The following CIRSR variants were observed in gnomAD, a reference collection of about 807,000 sequenced individuals.
CIRSR encodes CBF1 (RBPJ) interacting corepressor 1.
chr2:174,368,955 G>T, the CIRSR span, among the ~76,000 whole-genome samples: 1 of 152,180 alleles, frequency 6.6e-6, no homozygotes, highest in Non-Finnish European at 1.5e-5. Flanking sequence ...TTTTCAGAAT[G>T]ATAAATGAAC....
chr2:174,370,057 C>G, the CIRSR span: 20 of 1,357,988 alleles, frequency 1.5e-5, no homozygotes, highest in East Asian at 4.6e-5. Context: ...ATAAGGCATG[C>G]CTGCATTAGA....
chr2:174,392,753 G>A, the CIRSR span, among the ~76,000 whole-genome samples: 1 of 152,212 alleles, frequency 6.6e-6, no homozygotes, highest in Non-Finnish European at 1.5e-5. Flanking sequence ...ATATGAGATA[G>A]CAAGTATAAA....
the CIRSR span, chr2:174,381,601 G>T: frequency 1.3e-6 from 1 of 782,470 alleles, no homozygotes; most frequent in South Asian, 1.9e-5. Context: ...AGGTTGTAGT[G>T]TGCTGAGATG....
the CIRSR span, among the ~76,000 whole-genome samples, chr2:174,367,745 TAAAAA>T: frequency 1.4e-5 from 1 of 70,850 alleles, no homozygotes; most frequent in Admixed American, 1.9e-4. Context: ...TGCTGTCTCT[TAAAAA>T]AAAAAAAAAA....
the CIRSR span, chr2:174,350,509 C>A: frequency 4.4e-6 from 2 of 455,612 alleles, no homozygotes; most frequent in Non-Finnish European, 7.6e-6. Context: ...AAAAGACAGA[C>A]AAAATTGTAT....
chr2:174,378,723 C>G, the CIRSR span: 2 of 571,840 alleles, frequency 3.5e-6, no homozygotes, highest in Admixed American at 6.2e-5. Context: ...AAACTTAATC[C>G]TATTACACAG....
the CIRSR span, among the ~76,000 whole-genome samples, chr2:174,379,711 C>T: frequency 6.9e-6 from 1 of 144,136 alleles, no homozygotes; most frequent in African/African-American, 2.5e-5. Context: ...AAGTTTGATT[C>T]CTGTCTTTTT....
At chr2:174,384,259 C>G in the CIRSR span, among the ~76,000 whole-genome samples, 5 of 152,256 alleles carry the variant, frequency 3.3e-5, no homozygotes, top group East Asian at 9.6e-4. Flanking sequence ...CTAAGTGAAA[C>G]AAGCCAGACA....
At chr2:174,380,605 A>C in the CIRSR span, 1 of 1,531,906 alleles carries the variant, frequency 6.5e-7, no homozygotes, top group Non-Finnish European at 8.9e-7. Flanking sequence ...CAGTAAATGT[A>C]AACTTAATGA....
the CIRSR span, among the ~76,000 whole-genome samples, chr2:174,357,513 T>C: frequency 1.1e-3 from 175 of 152,316 alleles, 4 homozygotes; most frequent in East Asian, 0.031. Flanking sequence ...TAAAAGTTGT[T>C]TTAAAATAAA....
At chr2:174,378,571 T>C in the CIRSR span, 2 of 283,296 alleles carry the variant, frequency 7.1e-6, no homozygotes, top group Non-Finnish European at 1.4e-5. Flanking sequence ...AGGCTTTCAG[T>C]ACAGTCTATT....
At chr2:174,360,865 T>C in the CIRSR span, among the ~76,000 whole-genome samples, 3 of 152,312 alleles carry the variant, frequency 2.0e-5, no homozygotes, top group South Asian at 6.2e-4. Context: ...ATACCTAAAA[T>C]AAAATAGCCA....
the CIRSR span, among the ~76,000 whole-genome samples, chr2:174,379,725 T>C: frequency 7.1e-6 from 1 of 141,138 alleles, no homozygotes; most frequent in African/African-American, 2.6e-5. Flanking sequence ...TCTTTTTTTT[T>C]TTTTTTTTTT....
chr2:174,366,012 A>T, the CIRSR span, among the ~76,000 whole-genome samples: 1 of 152,242 alleles, frequency 6.6e-6, no homozygotes, highest in Non-Finnish European at 1.5e-5. Flanking sequence ...ATGTAAGCAA[A>T]GAGATGGAAA....
the CIRSR span, among the ~76,000 whole-genome samples, chr2:174,388,201 C>G: frequency 2.6e-5 from 4 of 152,124 alleles, no homozygotes; most frequent in African/African-American, 9.6e-5. Context: ...TGTCTTGATA[C>G]GAGTTCTTTT....
chr2:174,385,810 T>C, the CIRSR span, among the ~76,000 whole-genome samples: 58 of 152,198 alleles, frequency 3.8e-4, 1 homozygote, highest in South Asian at 0.012. Context: ...TAATAGTAAC[T>C]AGATAAGGGA....
At chr2:174,365,930 T>A in the CIRSR span, among the ~76,000 whole-genome samples, 2 of 152,112 alleles carry the variant, frequency 1.3e-5, no homozygotes, top group Non-Finnish European at 2.9e-5. Flanking sequence ...AGACTGGGAA[T>A]CTAAAATACT....
At chr2:174,381,558 CAGG>C in the CIRSR span, 1 of 577,526 alleles carries the variant, frequency 1.7e-6, no homozygotes, top group South Asian at 2.9e-5. Flanking sequence ...GAGGCTGAGG[CAGG>C]AGAATTGCTC....
At chr2:174,354,345 T>C in the CIRSR span, among the ~76,000 whole-genome samples, 4 of 132,230 alleles carry the variant, frequency 3.0e-5, no homozygotes, top group African/African-American at 1.1e-4. Context: ...AGAAATTGTC[T>C]TTTTATAAGA....
Sources: gnomAD v4.1 joint callset for allele counts (sites outside exome capture counted in the v4.1 genomes callset) on GRCh38, gnomAD v4.1.1 for gene constraint, MANE v1.5 for transcripts, NCBI Gene and HGNC (gene_info 2026-07-23, HGNC 2026-07-21) for gene names.